NRG3: variants seen among roughly 807,000 people sequenced by gnomAD.
NRG3 encodes pro-neuregulin-3, membrane-bound isoform.
NRG3 carries 31 observed loss-of-function variants against 66.9 expected under a neutral mutation model. The observed-to-expected ratio is 0.46, with a 90% CI of 0.35 to 0.63. NRG3 has a LOEUF of 0.63. Among genes scored for constraint, NRG3 ranks in the 20% least tolerant of loss-of-function variants. The probability of loss-of-function intolerance (pLI) is 0.00; values close to 1 mark genes in which losing one functional copy is unlikely to be tolerated. For synonymous variants in NRG3, 393 were observed against 359.4 expected, an observed-to-expected ratio of 1.09 and a Z score of -1.06; for missense variants, 910 against 878.9, an observed-to-expected ratio of 1.04 and a Z score of -0.45.
chr10:82,678,266 G>A (rs556944624), intron 2 of NRG3, among the ~76,000 whole-genome samples: 103 of 152,238 alleles, frequency 6.8e-4, no homozygotes, highest in African/African-American at 2.4e-3. Flanking sequence ...GGGTGCAGGC[G>A]GGTTGAGTCC....
At chr10:82,662,128 G>T (rs1565177789) in intron 2 of NRG3, among the ~76,000 whole-genome samples, 1 of 152,196 alleles carries the variant, frequency 6.6e-6, no homozygotes, top group Admixed American at 6.5e-5. Context: ...TTCTTCTAAA[G>T]TAATAGATTC....
chr10:82,838,451 T>C (rs1038963571), intron 3 of NRG3, among the ~76,000 whole-genome samples: 2 of 152,154 alleles, frequency 1.3e-5, no homozygotes, highest in African/African-American at 4.8e-5. Context: ...CTCTTTCACA[T>C]AGAGAAGTTT....
intron 1 of NRG3, among the ~76,000 whole-genome samples, chr10:81,960,325 A>G (rs762105852): frequency 5.9e-5 from 9 of 152,144 alleles, no homozygotes; most frequent in South Asian, 4.1e-4. Context: ...TCTTTATCCA[A>G]TAAATTTTTT....
At chr10:82,548,866 C>CGTGT (rs2044115783) in intron 2 of NRG3, among the ~76,000 whole-genome samples, 1 of 152,128 alleles carries the variant, frequency 6.6e-6, no homozygotes, top group Non-Finnish European at 1.5e-5. Flanking sequence ...AGGCAGAAGG[C>CGTGT]GTGTGGTCAG....
chr10:82,749,642 T>G (rs899240428), intron 3 of NRG3, among the ~76,000 whole-genome samples: 1 of 152,186 alleles, frequency 6.6e-6, no homozygotes, highest in African/African-American at 2.4e-5. Flanking sequence ...GATTTATCCA[T>G]TGATGTAGCT....
intron 1 of NRG3, chr10:82,230,342 A>G (rs1047650087): frequency 6.6e-6 from 1 of 152,172 alleles, no homozygotes; most frequent in African/African-American, 2.4e-5. Flanking sequence ...AAGGCCAACT[A>G]GAACAGGGAA....
intron 1 of NRG3, among the ~76,000 whole-genome samples, chr10:82,273,438 A>G (rs897871920): frequency 6.6e-6 from 1 of 152,046 alleles, no homozygotes; most frequent in Non-Finnish European, 1.5e-5. Flanking sequence ...AAATAGTTAC[A>G]TTATTTTTAT....
At chr10:82,950,369 G>T (rs1490254003) in intron 4 of NRG3, among the ~76,000 whole-genome samples, 1 of 152,184 alleles carries the variant, frequency 6.6e-6, no homozygotes, top group Non-Finnish European at 1.5e-5. Context: ...TGAGTAGTGT[G>T]GAGACGATAT....
At chr10:82,798,299 G>T (rs2060888340) in intron 3 of NRG3, among the ~76,000 whole-genome samples, 1 of 152,150 alleles carries the variant, frequency 6.6e-6, no homozygotes, top group Non-Finnish European at 1.5e-5. Context: ...ATTTAATTTT[G>T]AGAAAGCATT....
intron 1 of NRG3, among the ~76,000 whole-genome samples, chr10:82,244,307 C>A (rs73304659): frequency 0.014 from 2,087 of 152,192 alleles, 56 homozygotes; most frequent in African/African-American, 0.048. Flanking sequence ...CAGTTAAATT[C>A]TTCAGTGCAC....
chr10:82,419,633 C>A (rs1397966254), intron 2 of NRG3, among the ~76,000 whole-genome samples: 1 of 152,030 alleles, frequency 6.6e-6, no homozygotes, highest in Non-Finnish European at 1.5e-5. Flanking sequence ...TAAAACAGTG[C>A]AAGCCTTTTG....
At chr10:82,488,366 G>T (rs760370547) in intron 2 of NRG3, among the ~76,000 whole-genome samples, 3 of 152,182 alleles carry the variant, frequency 2.0e-5, no homozygotes, top group Non-Finnish European at 4.4e-5. Context: ...CACAAATCCA[G>T]TAGGGCTGAA....
intron 2 of NRG3, among the ~76,000 whole-genome samples, chr10:82,647,441 T>G (rs1472822872): frequency 1.3e-5 from 2 of 152,202 alleles, no homozygotes; most frequent in African/African-American, 4.8e-5. Flanking sequence ...TCTTTGCTAT[T>G]GTGAATAGAG....
At chr10:82,642,374 T>C (rs1041051184) in intron 2 of NRG3, among the ~76,000 whole-genome samples, 6 of 152,040 alleles carry the variant, frequency 3.9e-5, no homozygotes, top group Non-Finnish European at 8.8e-5. Context: ...ACCAAGACAT[T>C]GATTATTAAC....
intron 2 of NRG3, among the ~76,000 whole-genome samples, chr10:82,386,575 C>T (rs1019301111): frequency 1.3e-5 from 2 of 152,102 alleles, no homozygotes; most frequent in African/African-American, 4.8e-5. Flanking sequence ...CTAAAGAAAT[C>T]TTATCGAACA....
chr10:82,100,558 A>G (rs773745791), intron 1 of NRG3, among the ~76,000 whole-genome samples: 6 of 152,072 alleles, frequency 3.9e-5, no homozygotes, highest in Non-Finnish European at 8.8e-5. Flanking sequence ...AGGTTAAGGA[A>G]GTTCCCATCT....
chr10:82,079,173 T>C (rs1590029406), intron 1 of NRG3, among the ~76,000 whole-genome samples: 1 of 151,972 alleles, frequency 6.6e-6, no homozygotes, highest in Admixed American at 6.6e-5. Flanking sequence ...GCCTCCCGAA[T>C]AGCTGGGATT....
At chr10:82,359,627 C>G (rs752057123) in intron 2 of NRG3, among the ~76,000 whole-genome samples, 2 of 152,144 alleles carry the variant, frequency 1.3e-5, no homozygotes, top group Non-Finnish European at 2.9e-5. Flanking sequence ...AAAAATATTT[C>G]TTACCAAGCT....
At chr10:82,472,193 A>C (rs780854228) in intron 2 of NRG3, among the ~76,000 whole-genome samples, 1 of 152,220 alleles carries the variant, frequency 6.6e-6, no homozygotes, top group African/African-American at 2.4e-5. Context: ...TTGAAAAATT[A>C]AACAGACATT....
Sources: gnomAD v4.1 joint callset for allele counts (sites outside exome capture counted in the v4.1 genomes callset) on GRCh38, gnomAD v4.1.1 for gene constraint, MANE v1.5 for transcripts, NCBI Gene and HGNC (gene_info 2026-07-23, HGNC 2026-07-21) for gene names.